ADAM28: variants seen among roughly 807,000 people sequenced by gnomAD.
The protein encoded by ADAM28 is disintegrin and metalloproteinase domain-containing protein 28.
In ADAM28, 105 loss-of-function variants were observed where a neutral mutation model predicts 101.2. The ratio of observed to expected loss-of-function variants is 1.04; its 90% CI spans 0.89 to 1.22. ADAM28 has a LOEUF of 1.22. ADAM28 is among the 50% of genes most tolerant of loss of function. ADAM28 has a pLI of 0.00. For synonymous variants in ADAM28, 322 were observed against 310.6 expected (o/e 1.04, Z -0.39); for missense variants, 1,028 against 945.4 (o/e 1.09, Z -1.15).
At chr8:24,335,264 A>G (rs1486450006) in intron 13 of ADAM28, among the ~76,000 whole-genome samples, 182 bp from the exon 14 acceptor site, 4 of 152,098 alleles carry the variant, frequency 2.6e-5, no homozygotes, top group African/African-American at 9.7e-5. Flanking sequence ...GCATTAACCA[A>G]TATTAATAGA....
At chr8:24,316,914 C>T (rs1811231524) in intron 6 of ADAM28, among the ~76,000 whole-genome samples, 1 of 151,940 alleles carries the variant, frequency 6.6e-6, no homozygotes, top group Admixed American at 6.6e-5. Flanking sequence ...CATTTCTATA[C>T]ACGAATAACA....
chr8:24,339,565 C>T lies in ADAM28; in HGVS notation c.1667C>T (p.Ala556Val), dbSNP rs1201347925. The change falls in exon 15 of 23, where the codon GCA (alanine) becomes GTA (valine). Residue 556 changes from alanine (A) to valine (V), a missense_variant. Ala to Val is a moderately conservative substitution (Grantham distance 64). Coordinates refer to ENST00000265769, the MANE Select transcript of ADAM28 (RefSeq NM_014265.6). ...RVDDTLIPCK[A>V]NDTMCGKLFC... ...GATGACACACTCATTCCCTGCAAAG[C>T]AAAGTAAGTGGCCTTGTCTGAACCT... 1 of 1,610,670 alleles carries T rather than the reference C, an allele frequency of 6.2e-7. No individual in the cohort carries two copies. Among genetic ancestry groups the T allele is most frequent in the Non-Finnish European group, 8.5e-7 (1 of 1,178,260 alleles).
rs374604992 is a variant in ADAM28 at position 24,321,347 on chromosome 8, T to A, written c.720+58T>A. The A allele has an allele frequency of 2.4e-5, 32 of 1,354,696 alleles. No individual in the cohort carries two copies. The African/African-American group carries it at 3.7e-4, about 16-fold the overall frequency. The allele number at this position is 1,354,696 out of a possible 1,614,324, so 83.9% of individuals were successfully genotyped here. On this transcript the variant is annotated intron_variant, in intron 8 of 22. Coordinates refer to ENST00000265769, the MANE Select transcript of ADAM28 (RefSeq NM_014265.6). The stretch of plus-strand genomic sequence containing the variant: ...CAGTTTGCTGGGAGATGTCACTGGG[T>A]TTTTCAATGAACGCACATGAAGCAT...
intron 18 of ADAM28, among the ~76,000 whole-genome samples, chr8:24,347,788 T>C (rs923236881): frequency 2.6e-5 from 4 of 152,150 alleles, no homozygotes; most frequent in African/African-American, 9.7e-5. Context: ...GTACACTTCT[T>C]ACCTTTGAGA....
chr8:24,318,171 G>A (rs931114369), intron 6 of ADAM28, among the ~76,000 whole-genome samples: 1 of 151,976 alleles, frequency 6.6e-6, no homozygotes, highest in African/African-American at 2.4e-5. Context: ...AGAAGTTGGT[G>A]AAACTCCTAG....
At chr8:24,304,056 C>T (rs1809212175) in intron 2 of ADAM28, among the ~76,000 whole-genome samples, 1 of 151,746 alleles carries the variant, frequency 6.6e-6, no homozygotes, top group South Asian at 2.1e-4. Flanking sequence ...CATGCACGTG[C>T]ACACCAAACA....
At chr8:24,323,725 G>T in intron 8 of ADAM28, 109 bp from the exon 9 acceptor site, 1 of 1,127,286 alleles carries the variant, frequency 8.9e-7, no homozygotes, top group Non-Finnish European at 1.2e-6. Flanking sequence ...TGGAAATAAG[G>T]TTTTTATACT....
chr8:24,306,363 A>AAAAT (rs1809647224), intron 2 of ADAM28, among the ~76,000 whole-genome samples: 1 of 108,502 alleles, frequency 9.2e-6, no homozygotes, highest in African/African-American at 3.8e-5. Context: ...TAAATAAATA[A>AAAAT]ATATATATAT....
rs1450893675 is a variant in ADAM28 at position 24,302,382 on chromosome 8, A to G, written c.150+2305A>G. Among the ~76,000 whole-genome samples the G allele has an allele frequency of 3.3e-5, 5 of 152,198 alleles. No individual in the cohort carries two copies. In the East Asian group the frequency reaches 7.7e-4, roughly 23 times the overall value. On this transcript the variant is annotated intron_variant, in intron 2 of 22. Coordinates refer to ENST00000265769, the MANE Select transcript of ADAM28 (RefSeq NM_014265.6). ...TGATTCCACGTCACTGCTACTGTGA[A>G]TAGTGCCGCAATGAACATGTGCATG...
chr8:24,347,042 A>T lies in ADAM28; in HGVS notation c.1991-2822A>T, dbSNP rs538960500. On this transcript the variant is annotated intron_variant, in intron 18 of 22. Transcript: ENST00000265769. The stretch of plus-strand genomic sequence containing the variant: ...AGAGTCTTTAAAGTTTGTATGTATG[A>T]AATTTTTCTATGCTCATTTTCTTCT... 3.9e-5 allele frequency: 6 copies of T among 152,144 alleles called. No homozygotes were observed. The East Asian group carries it at 1.2e-3, about 29-fold the overall frequency. The allele number at this position is 152,144 out of a possible 1,614,324, so 9.4% of individuals were successfully genotyped here. A position where few individuals can be genotyped will look rare whatever the true frequency, so the allele number is the denominator to read the frequency against.
intron 5 of ADAM28, among the ~76,000 whole-genome samples, chr8:24,312,260 C>A (rs1173843499): frequency 6.6e-6 from 1 of 151,954 alleles, no homozygotes; most frequent in Non-Finnish European, 1.5e-5. Flanking sequence ...TGCCTTAAAC[C>A]AAACTAATGA....
chr8:24,300,120 TATATACACAC>T, intron 2 of ADAM28, 43 bp downstream of exon 2: 1 of 1,452,352 alleles, frequency 6.9e-7, no homozygotes, highest in Non-Finnish European at 9.6e-7. Flanking sequence ...TTGAGATACA[TATATACACAC>T]ATATATATAT....
Position 24,331,253 on chromosome 8 carries a change from G to C in ADAM28, c.1207G>C (p.Asp403His), listed in dbSNP as rs781204217. 3.1e-6 allele frequency: 5 copies of C among 1,612,986 alleles called. No individual in the cohort carries two copies. The African/African-American group carries it at 5.3e-5, about 17-fold the overall frequency. ...NCLFNAPLPT[D>H]IISTPICGNQ... Reference sequence around the variant, plus strand: ...CCTCTTTAATGCTCCATTGCCTACAGATATCATATCCACTCCAATTTGTGG... The same window carrying C: ...CCTCTTTAATGCTCCATTGCCTACACATATCATATCCACTCCAATTTGTGG... The change falls in exon 12 of 23, where the codon GAT (aspartate) becomes CAT (histidine). Residue 403 changes from aspartate to histidine, a missense_variant. Transcript: ENST00000265769.
chr8:24,327,060 A>C (rs1449397061), intron 10 of ADAM28, among the ~76,000 whole-genome samples: 1 of 152,130 alleles, frequency 6.6e-6, no homozygotes. Flanking sequence ...ATCAGGCAAG[A>C]GAAAGAAATA....
In ADAM28 at chr8:24,310,218, A is replaced by T. The variant is rs774182512; in HGVS notation, c.283A>T (p.Ile95Phe). ...ETYYNSTGKE[I>F]TTSPQIMDDC... ...ATATTATAATTCCACTGGAAAGGAG[A>T]TCACCACAAGCCCACAAATTATGGT... is the stretch of plus-strand genomic sequence containing the variant. The change falls in exon 4 of 23, where the codon ATC becomes TTC. Residue 95 changes from isoleucine to phenylalanine, a missense_variant. Ile to Phe is a conservative substitution (Grantham distance 21, BLOSUM62 0). Coordinates refer to ENST00000265769, the MANE Select transcript of ADAM28 (RefSeq NM_014265.6). 6.2e-7 allele frequency: 1 copy of T among 1,613,446 alleles called. No homozygotes were observed. The highest frequency in any genetic ancestry group is 8.5e-7 in the Non-Finnish European group (1 of 1,179,584).
chr8:24,344,046 C>T (rs1197426014), intron 18 of ADAM28, among the ~76,000 whole-genome samples: 1 of 152,108 alleles, frequency 6.6e-6, no homozygotes, highest in Non-Finnish European at 1.5e-5. Flanking sequence ...ATATGTGATC[C>T]TTAGTTCAAT....
chr8:24,339,650 G>C, intron 15 of ADAM28, 82 bp downstream of exon 15: 1 of 1,218,040 alleles, frequency 8.2e-7, no homozygotes, highest in African/African-American at 1.5e-5. Flanking sequence ...ATTTATTCCA[G>C]TTAAAGGGAA....
rs1461680630 is a variant in ADAM28 at position 24,339,518 on chromosome 8, G to T, written c.1620G>T (p.Lys540Asn). 8 of 1,613,258 alleles carry T rather than the reference G, an allele frequency of 5.0e-6. No homozygotes were observed. Among genetic ancestry groups the T allele is most frequent in the Non-Finnish European group, 6.8e-6 (8 of 1,179,622 alleles). Residue 540 changes from lysine to asparagine, a missense_variant, in exon 15 of 23, where the codon AAG becomes AAT. Lys to Asn is a moderately conservative substitution (Grantham distance 94). Coordinates refer to ENST00000265769, the MANE Select transcript of ADAM28 (RefSeq NM_014265.6). ...SCYNRNEGGS[K>N]YGYCRRVDDT... ...ACAACAGGAATGAAGGTGGGTCAAA[G>T]TACGGGTACTGTCGCAGAGTGGATG...
At chr8:24,322,329 C>A (rs1180409768) in intron 8 of ADAM28, among the ~76,000 whole-genome samples, 1 of 151,810 alleles carries the variant, frequency 6.6e-6, no homozygotes, top group African/African-American at 2.4e-5. Flanking sequence ...CTAGGTGAGG[C>A]GATAAGCCAA....
Sources: gnomAD v4.1 joint callset for allele counts (sites outside exome capture counted in the v4.1 genomes callset) on GRCh38, gnomAD v4.1.1 for gene constraint, MANE v1.5 for transcripts, NCBI Gene and HGNC (gene_info 2026-07-23, HGNC 2026-07-21) for gene names.